MYH16: variants seen among roughly 807,000 people sequenced by gnomAD.
The protein encoded by MYH16 is putative uncharacterized protein MYH16.
chr7:99,308,374 G>A (rs1264575370), downstream of MYH16, among the ~76,000 whole-genome samples: 1 of 150,700 alleles, frequency 6.6e-6, no homozygotes, highest in African/African-American at 2.4e-5. Flanking sequence ...CTATTCCTAG[G>A]AGAGGAACAA....
At chr7:99,298,813 T>C (rs1425972648) in intron 36 of MYH16, among the ~76,000 whole-genome samples, 1 of 149,230 alleles carries the variant, frequency 6.7e-6, no homozygotes, top group Non-Finnish European at 1.5e-5. Context: ...CATGTGCACA[T>C]TGTGCAGGTT....
chr7:99,247,442 T>C lies in MYH16; in HGVS notation n.355-152T>C, dbSNP rs146883903. Reference sequence around the variant, plus strand: ...CACCTGCCTCGGTCTCCCAAAATGTTGGGATTACAGGCATAAACCACCACA... The same window carrying C: ...CACCTGCCTCGGTCTCCCAAAATGTCGGGATTACAGGCATAAACCACCACA... On this transcript the variant is annotated intron_variant and non_coding_transcript_variant, in intron 2 of 41. Transcript: ENST00000439784. Among the ~76,000 whole-genome samples, 506 of 152,330 alleles carry C rather than the reference T, an allele frequency of 3.3e-3. 4 individuals carry two copies. The highest frequency in any genetic ancestry group is 0.012 in the African/African-American group (485 of 41,576).
chr7:99,292,133 TAGA>T (rs370924441), intron 31 of MYH16, among the ~76,000 whole-genome samples, 176 bp from the exon 13 acceptor site: 7 of 152,340 alleles, frequency 4.6e-5, no homozygotes, highest in African/African-American at 1.7e-4. Flanking sequence ...TGGACAATAA[TAGA>T]AAGAAAAGAA....
chr7:99,245,078 T>G (rs1162159771), intron 2 of MYH16, among the ~76,000 whole-genome samples: 1 of 152,188 alleles, frequency 6.6e-6, no homozygotes, highest in Non-Finnish European at 1.5e-5. Flanking sequence ...GGGAGGTAAC[T>G]GGCTTCCAGG....
intron 19 of MYH16, among the ~76,000 whole-genome samples, chr7:99,272,438 T>G (rs1792058126): frequency 6.6e-6 from 1 of 152,038 alleles, no homozygotes; most frequent in Non-Finnish European, 1.5e-5. Flanking sequence ...ACCTGGTAAT[T>G]TTTAAAGGGC....
chr7:99,277,586 CAAG>C, exon 21 of MYH16: 1 of 456,856 alleles, frequency 2.2e-6, no homozygotes, highest in Non-Finnish European at 4.4e-6. Flanking sequence ...AGATGAAGGC[CAAG>C]GAGGAGGAGC....
chr7:99,292,387 G>A (rs769295427), exon 32 of MYH16: 5 of 457,190 alleles, frequency 1.1e-5, no homozygotes, highest in South Asian at 3.1e-5. Context: ...GCTGGAGGAG[G>A]AGCAGGGAGG....
At chr7:99,252,362 G>C (rs533298873) in intron 6 of MYH16, 2 of 152,924 alleles carry the variant, frequency 1.3e-5, no homozygotes, top group Admixed American at 6.5e-5. Flanking sequence ...CAGGGCTGGC[G>C]GGGGGTGAGG....
chr7:99,295,644 TAGGC>T (rs1164605677), intron 33 of MYH16, among the ~76,000 whole-genome samples: 1 of 151,778 alleles, frequency 6.6e-6, no homozygotes, highest in Non-Finnish European at 1.5e-5. Flanking sequence ...AGTGGCCACG[TAGGC>T]AGGAGGTCAT....
exon 24 of MYH16, chr7:99,283,605 A>C (rs1425021692): frequency 2.2e-6 from 1 of 456,512 alleles, no homozygotes; most frequent in Non-Finnish European, 4.4e-6. Context: ...GACAAGGTGA[A>C]CCACCTGACC....
chr7:99,259,716 A>G lies in MYH16; in HGVS notation n.1405-448A>G, dbSNP rs537755088. On this transcript the variant is annotated intron_variant and non_coding_transcript_variant, in intron 11 of 41. Coordinates refer to ENST00000439784, the Ensembl canonical transcript of MYH16. The stretch of plus-strand genomic sequence containing the variant: ...TATATATGTGTGTGTATATATATAT[A>G]TGTGTGTGTGTGTGTATATATATAT... Among the ~76,000 whole-genome samples the G allele has an allele frequency of 8.2e-4, 120 of 146,814 alleles. No homozygotes were observed. In the South Asian group the frequency reaches 0.011, roughly 13 times the overall value.
intron 19 of MYH16, among the ~76,000 whole-genome samples, chr7:99,271,845 G>A (rs1253906103): frequency 1.3e-5 from 2 of 152,016 alleles, no homozygotes; most frequent in African/African-American, 2.4e-5. Context: ...GACTACAGGT[G>A]CACTGTACCA....
intron 5 of MYH16, among the ~76,000 whole-genome samples, chr7:99,250,751 G>T (rs369916641): frequency 6.6e-6 from 1 of 152,046 alleles, no homozygotes; most frequent in African/African-American, 2.4e-5. Context: ...AAAAAGGGGT[G>T]GGGGGATGTG....
At chr7:99,296,850 CAAG>C (rs759611693) in exon 34 of MYH16, 2 of 457,582 alleles carry the variant, frequency 4.4e-6, no homozygotes, top group Non-Finnish European at 8.8e-6. Context: ...GCTTCAAGAT[CAAG>C]ACTGCCTACG....
chr7:99,266,580 C>A (rs942333897), intron 17 of MYH16, among the ~76,000 whole-genome samples: 4 of 152,200 alleles, frequency 2.6e-5, no homozygotes, highest in African/African-American at 9.7e-5. Context: ...TTTCTCAACT[C>A]CAAGCTCTAT....
intron 34 of MYH16, 72 bp downstream of exon 15, chr7:99,296,989 G>A (rs562627620): frequency 3.4e-5 from 15 of 435,026 alleles, no homozygotes; most frequent in African/African-American, 2.6e-4. Flanking sequence ...TTCATCCTGA[G>A]CACATCATCA....
chr7:99,268,887 C>G (rs1320346697), intron 18 of MYH16, among the ~76,000 whole-genome samples: 1 of 152,178 alleles, frequency 6.6e-6, no homozygotes, highest in African/African-American at 2.4e-5. Context: ...CAGTTAGGTG[C>G]TGTACTCCCT....
chr7:99,291,607 A>G (rs1792377444), intron 31 of MYH16, among the ~76,000 whole-genome samples, 157 bp downstream of exon 12: 1 of 131,662 alleles, frequency 7.6e-6, no homozygotes, highest in Non-Finnish European at 1.6e-5. Context: ...AGCCCGAACA[A>G]CACAGCAAGA....
intron 30 of MYH16, among the ~76,000 whole-genome samples, chr7:99,290,473 C>CA (rs895420805): frequency 3.0e-4 from 38 of 126,392 alleles, no homozygotes; most frequent in Non-Finnish European, 5.9e-4. Flanking sequence ...GGCAACAGAG[C>CA]AGGACCCTGT....
Sources: allele counts gnomAD v4.1 joint callset (sites outside exome capture counted in the v4.1 genomes callset), GRCh38; gene constraint gnomAD v4.1.1; transcripts MANE v1.5; gene names NCBI Gene and HGNC (gene_info 2026-07-23, HGNC 2026-07-21).